The following TUSC3 variants were observed in gnomAD, a reference collection of about 807,000 sequenced individuals.
The protein encoded by TUSC3 is dolichyl-diphosphooligosaccharide--protein glycosyltransferase subunit TUSC3.
TUSC3 carries 45 observed loss-of-function variants against 44.8 expected under a neutral mutation model. That is an observed-to-expected ratio of 1.00 (90% CI 0.79 to 1.29). The LOEUF is 1.29. Among genes scored for constraint, TUSC3 ranks in the 50% most tolerant of loss-of-function variants. The pLI is 0.00. For missense variants in TUSC3, 519 were observed against 437.9 expected (o/e 1.19, Z -1.65); for synonymous variants, 212 against 152.9 (o/e 1.39, Z -2.85).
At chr8:15,756,824 GTTATTCCCCA>G (rs1563208421) in intron 9 of TUSC3, among the ~76,000 whole-genome samples, 1 of 152,100 alleles carries the variant, frequency 6.6e-6, no homozygotes, top group African/African-American at 2.4e-5. Context: ...AAAATAGTTA[GTTATTCCCCA>G]AACTCGAGCT....
At chr8:15,605,277 A>G (rs949725085) in intron 1 of TUSC3, among the ~76,000 whole-genome samples, 6 of 151,880 alleles carry the variant, frequency 4.0e-5, no homozygotes, top group African/African-American at 1.2e-4. Context: ...GAGGAATCAA[A>G]ATTACTTGTC....
intron 1 of TUSC3, among the ~76,000 whole-genome samples, chr8:15,450,090 TTGAG>T (rs999133753): frequency 3.3e-5 from 5 of 152,208 alleles, no homozygotes; most frequent in African/African-American, 1.2e-4. Flanking sequence ...ATTCTTGTCA[TTGAG>T]TGACACATGA....
At chr8:15,807,406 T>C in the TUSC3 span, 5 of 245,804 alleles carry the variant, frequency 2.0e-5, no homozygotes, top group Non-Finnish European at 3.9e-5. Flanking sequence ...TTATACACTG[T>C]TGGTGGGAAT....
intron 1 of TUSC3, among the ~76,000 whole-genome samples, chr8:15,459,879 C>T (rs1161699265): frequency 3.4e-4 from 48 of 140,016 alleles, no homozygotes; most frequent in African/African-American, 1.2e-3. Flanking sequence ...TGTGTGTATA[C>T]ATACATACAT....
At chr8:15,480,974 A>G (rs1478460873) in intron 1 of TUSC3, among the ~76,000 whole-genome samples, 5 of 152,122 alleles carry the variant, frequency 3.3e-5, no homozygotes, top group Admixed American at 3.3e-4. Flanking sequence ...GCCTTCAGGC[A>G]AGGTGGCTCA....
intron 1 of TUSC3, among the ~76,000 whole-genome samples, chr8:15,602,691 TGTG>T (rs1804341180): frequency 6.6e-6 from 1 of 151,016 alleles, no homozygotes; most frequent in Admixed American, 6.6e-5. Context: ...TGTGTGTGTG[TGTG>T]TGTATATATG....
chr8:15,593,254 T>A (rs1803929436), intron 1 of TUSC3, among the ~76,000 whole-genome samples: 1 of 151,868 alleles, frequency 6.6e-6, no homozygotes, highest in South Asian at 2.1e-4. Flanking sequence ...CCTGGCTAAT[T>A]TTTGTAGTTT....
intron 10 of TUSC3, among the ~76,000 whole-genome samples, chr8:15,763,260 C>T (rs1484185596): frequency 1.3e-5 from 2 of 151,986 alleles, no homozygotes; most frequent in East Asian, 3.9e-4. Context: ...CCAAAACAAA[C>T]GTTCTTTTCA....
chr8:15,815,238 T>A, the TUSC3 span, among the ~76,000 whole-genome samples: 1 of 152,108 alleles, frequency 6.6e-6, no homozygotes, highest in East Asian at 1.9e-4. Flanking sequence ...ATAGATAGAC[T>A]ATTAATAGAG....
At chr8:15,428,492 G>A (rs1245620913) in intron 1 of TUSC3, among the ~76,000 whole-genome samples, 3 of 151,986 alleles carry the variant, frequency 2.0e-5, no homozygotes, top group African/African-American at 4.8e-5. Flanking sequence ...CCCAGTAATG[G>A]GATGGCTGGG....
chr8:15,690,723 G>A (rs987526058), intron 6 of TUSC3, among the ~76,000 whole-genome samples: 4 of 152,082 alleles, frequency 2.6e-5, no homozygotes, highest in South Asian at 2.1e-4. Flanking sequence ...CATATGGCTA[G>A]CAAGTTATCC....
At chr8:15,551,463 T>C (rs1021010395) in intron 1 of TUSC3, among the ~76,000 whole-genome samples, 1 of 151,752 alleles carries the variant, frequency 6.6e-6, no homozygotes, top group East Asian at 1.9e-4. Context: ...AATTGAGTTA[T>C]ATGATTCGTG....
At chr8:15,789,702 T>C in the TUSC3 span, among the ~76,000 whole-genome samples, 2 of 152,162 alleles carry the variant, frequency 1.3e-5, no homozygotes, top group Non-Finnish European at 2.9e-5. Context: ...AAAAGATGTA[T>C]GAAACATTTG....
intron 6 of TUSC3, among the ~76,000 whole-genome samples, chr8:15,730,107 A>G (rs1031486548): frequency 5.9e-5 from 9 of 152,150 alleles, no homozygotes; most frequent in African/African-American, 2.2e-4. Context: ...CAAATAATCT[A>G]GATGGAGATT....
intron 2 of TUSC3, among the ~76,000 whole-genome samples, chr8:15,519,528 C>T (rs549885348): frequency 6.6e-6 from 1 of 152,096 alleles, no homozygotes; most frequent in Non-Finnish European, 1.5e-5. Context: ...GCATTATGAC[C>T]TGGGCTCCTC....
intron 1 of TUSC3, among the ~76,000 whole-genome samples, chr8:15,423,990 TTTTTTTTTTTTTTTTTTG>T (rs1799774350): frequency 1.6e-5 from 2 of 127,906 alleles, no homozygotes; most frequent in African/African-American, 6.0e-5. Context: ...TTTTTTTTTT[TTTTTTTTTTTTTTTTTTG>T]AGAAGGAGTT....
chr8:15,486,514 G>A (rs1800735274), intron 2 of TUSC3, among the ~76,000 whole-genome samples: 1 of 151,872 alleles, frequency 6.6e-6, no homozygotes, highest in Admixed American at 6.6e-5. Flanking sequence ...GTGCTGTCTC[G>A]CCTCACTGCA....
chr8:15,634,818 T>C (rs1805989927), intron 2 of TUSC3, among the ~76,000 whole-genome samples: 1 of 152,258 alleles, frequency 6.6e-6, no homozygotes, highest in African/African-American at 2.4e-5. Context: ...TATCCCGTAC[T>C]AACACCCAGA....
chr8:15,475,340 A>G lies in TUSC3; in HGVS notation n.92-8046A>G, dbSNP rs560552919. 8.5e-5 allele frequency among the ~76,000 whole-genome samples: 13 copies of G among 152,274 alleles called. No individual in the cohort carries two copies. The South Asian group carries it at 2.5e-3, about 29-fold the overall frequency. On this transcript the variant is annotated intron_variant and non_coding_transcript_variant, in intron 1 of 5. Transcript: ENST00000503191. ...CTCAGGGATAGTGTTAATTTTCTAC[A>G]CTGCATCCCTATCCCCTTTGTGTGA... is the stretch of plus-strand genomic sequence containing the variant.
Sources: gnomAD v4.1 joint callset for allele counts (sites outside exome capture counted in the v4.1 genomes callset) on GRCh38, gnomAD v4.1.1 for gene constraint, MANE v1.5 for transcripts, NCBI Gene and HGNC (gene_info 2026-07-23, HGNC 2026-07-21) for gene names.